CHMP3: variants seen among roughly 807,000 people sequenced by gnomAD.
CHMP3 encodes the protein charged multivesicular body protein 3, also known as 25.1 protein.
A neutral mutation model predicts 27.4 loss-of-function variants in CHMP3; 8 were observed. The observed-to-expected ratio is 0.29, with a 90% CI of 0.17 to 0.53. The LOEUF is 0.53. CHMP3 is among the 20% of genes least tolerant of loss of function. CHMP3 has a pLI of 0.96. For synonymous variants in CHMP3, 86 were observed against 85.5 expected, an observed-to-expected ratio of 1.01 and a Z score of -0.03; for missense variants, 208 against 271.5, an observed-to-expected ratio of 0.77 and a Z score of 1.64.
intron 3 of CHMP3, among the ~76,000 whole-genome samples, chr2:86,512,888 G>T (rs773272339): frequency 6.6e-6 from 1 of 152,232 alleles, no homozygotes; most frequent in East Asian, 1.9e-4. Flanking sequence ...ATGCTGGCGA[G>T]AATGTGCAGC....
rs1005504534 is a variant in CHMP3 at position 86,505,391 on chromosome 2, C to G, written c.*413G>C. ...TTCCACACCCAGCAAATGAAGCAAT[C>G]TGGGGCAGCCGACACCTTGAAAGTT... On this transcript the variant is annotated 3_prime_UTR_variant, in exon 6 of 6. Coordinates refer to ENST00000263856, the MANE Select transcript of CHMP3 (RefSeq NM_016079.4). The G allele has an allele frequency of 4.5e-5, 7 of 154,570 alleles. No individual in the cohort carries two copies. The highest frequency in any genetic ancestry group is 1.3e-4 in the Admixed American group (2 of 15,336). 9.6% of individuals were successfully genotyped at this position (154,570 alleles called of 1,614,324 possible).
At chr2:86,558,062 A>T (rs1558664461) in intron 1 of CHMP3, among the ~76,000 whole-genome samples, 1 of 152,172 alleles carries the variant, frequency 6.6e-6, no homozygotes, top group Non-Finnish European at 1.5e-5. Context: ...AAGTCATATG[A>T]TTTAAGAATT....
At chr2:86,551,369 G>A (rs1470158026) in intron 1 of CHMP3, among the ~76,000 whole-genome samples, 4 of 150,298 alleles carry the variant, frequency 2.7e-5, no homozygotes, top group African/African-American at 9.8e-5. Flanking sequence ...CAATTCTCCT[G>A]CCTCAGCCTC....
In CHMP3 at chr2:86,543,538, T is replaced by C. The variant is rs563001848; in HGVS notation, c.46-1226A>G. ...AGGACATCTGCCCAGCAACTGCCTG[T>C]CCAAACTTGGACTGGCATCACTCTT... On this transcript the variant is annotated intron_variant, in intron 1 of 5. Coordinates refer to ENST00000263856, the MANE Select transcript of CHMP3 (RefSeq NM_016079.4). Among the ~76,000 whole-genome samples the C allele has an allele frequency of 2.8e-3, 430 of 152,366 alleles. 5 individuals carry two copies. Among genetic ancestry groups the C allele is most frequent in the African/African-American group, 9.9e-3 (410 of 41,586 alleles).
intron 1 of CHMP3, among the ~76,000 whole-genome samples, chr2:86,544,959 GGCCGGGCAGAGGC>G (rs1676510470): frequency 1.8e-5 from 2 of 111,560 alleles, no homozygotes; most frequent in East Asian, 3.7e-4. Flanking sequence ...TAGACGGGGC[GGCCGGGCAGAGGC>G]GCTCCTCACC....
intron 1 of CHMP3, among the ~76,000 whole-genome samples, chr2:86,556,829 T>C (rs775003047): frequency 3.1e-4 from 47 of 152,292 alleles, no homozygotes; most frequent in Non-Finnish European, 5.9e-4. Flanking sequence ...AGCCCGCTTT[T>C]TCACTGGATA....
chr2:86,530,282 C>A (rs111719502), intron 2 of CHMP3, among the ~76,000 whole-genome samples: 8 of 152,152 alleles, frequency 5.3e-5, no homozygotes, highest in Non-Finnish European at 1.2e-4. Context: ...CATGAGCCAC[C>A]GCACCTGGCC....
chr2:86,555,309 ACT>A (rs987859709), intron 1 of CHMP3, among the ~76,000 whole-genome samples: 1 of 152,088 alleles, frequency 6.6e-6, no homozygotes, highest in Non-Finnish European at 1.5e-5. Flanking sequence ...AGTGACTGTC[ACT>A]CTGTGTGCTG....
chr2:86,544,683 TC>T (rs988608997), intron 1 of CHMP3, among the ~76,000 whole-genome samples: 29 of 152,318 alleles, frequency 1.9e-4, no homozygotes, highest in Admixed American at 7.8e-4. Flanking sequence ...ATTAACAGCA[TC>T]CCAAGGCAGA....
At chr2:86,531,591 A>G (rs1414849525) in intron 2 of CHMP3, among the ~76,000 whole-genome samples, 1 of 152,084 alleles carries the variant, frequency 6.6e-6, no homozygotes, top group East Asian at 1.9e-4. Flanking sequence ...AGAGTTTTAT[A>G]GTTTTAGCTC....
intron 1 of CHMP3, among the ~76,000 whole-genome samples, chr2:86,549,131 C>T (rs1461493729): frequency 1.4e-5 from 2 of 144,814 alleles, no homozygotes; most frequent in Non-Finnish European, 1.5e-5. Context: ...CGGGAAGAGG[C>T]GCCCCTCACG....
intron 1 of CHMP3, among the ~76,000 whole-genome samples, chr2:86,559,985 G>A (rs1677282141): frequency 6.6e-6 from 1 of 152,130 alleles, no homozygotes; most frequent in South Asian, 2.1e-4. Flanking sequence ...AAGAAAAGAG[G>A]GCCGGGCGCG....
intron 1 of CHMP3, among the ~76,000 whole-genome samples, chr2:86,551,949 A>G (rs1454085296): frequency 6.6e-6 from 1 of 152,220 alleles, no homozygotes; most frequent in Non-Finnish European, 1.5e-5. Context: ...AAATTTTGGT[A>G]TCTAAATAGC....
At chr2:86,528,599 A>T (rs1675802125) in intron 3 of CHMP3, among the ~76,000 whole-genome samples, 1 of 152,332 alleles carries the variant, frequency 6.6e-6, no homozygotes, top group Non-Finnish European at 1.5e-5. Context: ...CTACTTCATA[A>T]TTTAATGGAA....
At chr2:86,534,086 G>A (rs1308712206) in intron 2 of CHMP3, among the ~76,000 whole-genome samples, 2 of 151,358 alleles carry the variant, frequency 1.3e-5, no homozygotes, top group African/African-American at 4.9e-5. Context: ...TTGATTTACA[G>A]TCTAACATAT....
rs548066015 is a variant in CHMP3, at chr2:86,549,783, C to T, written c.46-7471G>A. Among the ~76,000 whole-genome samples the T allele has an allele frequency of 4.2e-4, 62 of 146,528 alleles. 1 individual carries two copies. Among genetic ancestry groups the T allele is most frequent in the African/African-American group, 1.2e-3 (49 of 39,244 alleles). On this transcript the variant is annotated intron_variant, in intron 1 of 5. Coordinates refer to ENST00000263856, the MANE Select transcript of CHMP3 (RefSeq NM_016079.4). ...GCAGAGGCGCTCCTCGCCTCCCAGA[C>T]GGGGCGGCCGGGCAGAGGTGCTCCT...
At chr2:86,514,595 G>A (rs1235359145) in intron 3 of CHMP3, among the ~76,000 whole-genome samples, 1 of 152,098 alleles carries the variant, frequency 6.6e-6, no homozygotes, top group Non-Finnish European at 1.5e-5. Context: ...TGGCATCAGG[G>A]TAGTGACTGC....
chr2:86,554,691 T>A (rs1053669003), intron 1 of CHMP3, among the ~76,000 whole-genome samples: 1 of 152,152 alleles, frequency 6.6e-6, no homozygotes. Context: ...ATTTCCCTTG[T>A]ACATAGCCTA....
chr2:86,534,027 G>A (rs1262310079), intron 2 of CHMP3, among the ~76,000 whole-genome samples: 6 of 151,854 alleles, frequency 4.0e-5, no homozygotes, highest in Non-Finnish European at 4.4e-5. Flanking sequence ...ATTTCATCCT[G>A]TTGTGGTCAG....
Sources: gnomAD v4.1 joint callset for allele counts (sites outside exome capture counted in the v4.1 genomes callset) on GRCh38, gnomAD v4.1.1 for gene constraint, MANE v1.5 for transcripts, NCBI Gene and HGNC (gene_info 2026-07-23, HGNC 2026-07-21) for gene names.